Variants in JCAD observed in about 807,000 individuals in gnomAD.
The protein encoded by JCAD is junctional cadherin 5 associated, also known as junctional cadherin 5-associated protein.
In JCAD, 40 loss-of-function variants were observed where a neutral mutation model predicts 98.0. The observed-to-expected ratio is 0.41, with a 90% CI of 0.32 to 0.53. The LOEUF (loss-of-function observed/expected upper bound fraction) is 0.53. Ranked by LOEUF, JCAD falls within the 20% of genes least tolerant of loss-of-function variation. The pLI, the probability that JCAD is intolerant of heterozygous loss-of-function variation, is 0.31. For missense variants in JCAD, 1,705 were observed against 1,738.1 expected, an observed-to-expected ratio of 0.98 and a Z score of 0.34; for synonymous variants, 691 against 682.3, an observed-to-expected ratio of 1.01 and a Z score of -0.20.
chr10:30,078,223 A>G (rs1251374024), intron 1 of JCAD, among the ~76,000 whole-genome samples: 5 of 152,192 alleles, frequency 3.3e-5, no homozygotes, highest in African/African-American at 1.2e-4. Context: ...TCTCTTGTTC[A>G]ACCAAACAAT....
At chr10:30,032,049 C>T (rs1015853220) in intron 2 of JCAD, among the ~76,000 whole-genome samples, 5 of 152,180 alleles carry the variant, frequency 3.3e-5, no homozygotes, top group Admixed American at 6.5e-5. Flanking sequence ...CCACCGCGCC[C>T]GGCTCCATCT....
chr10:30,091,243 T>C (rs530477826), intron 1 of JCAD, among the ~76,000 whole-genome samples: 12 of 152,304 alleles, frequency 7.9e-5, no homozygotes, highest in Admixed American at 7.2e-4. Flanking sequence ...AATCTCTTCC[T>C]AAATTTGTCT....
At chr10:30,068,300 A>G (rs1246329736) in intron 2 of JCAD, among the ~76,000 whole-genome samples, 1 of 149,064 alleles carries the variant, frequency 6.7e-6, no homozygotes, top group East Asian at 2.0e-4. Flanking sequence ...CTGAGGCAGG[A>G]GAATCTCTTG....
rs80339309 is a variant in JCAD, at chr10:30,039,010, C to T, written c.281+8522G>A. Among the ~76,000 whole-genome samples, 302 of 152,286 alleles carry T rather than the reference C, an allele frequency of 2.0e-3. 5 individuals are homozygous for T. In the South Asian group the frequency reaches 0.031, roughly 16 times the overall value. On this transcript the variant is annotated intron_variant, in intron 2 of 3. Transcript: ENST00000375377. ...AAAGCTGGGTCATAAACCCCTAACC[C>T]CCGACTCACGCCAGCTATTTAAATG...
At chr10:30,022,642 C>T (rs993840685) in intron 3 of JCAD, among the ~76,000 whole-genome samples, 17 of 152,174 alleles carry the variant, frequency 1.1e-4, no homozygotes, top group African/African-American at 4.1e-4. Context: ...CAGGGGGCCA[C>T]CTGAGCAAAA....
chr10:30,101,381 C>G lies in JCAD; in HGVS notation n.128+13986G>C, dbSNP rs560510923. Among the ~76,000 whole-genome samples the G allele has an allele frequency of 2.6e-5, 4 of 152,234 alleles. No individual in the cohort carries two copies. The South Asian group carries it at 8.3e-4, about 32-fold the overall frequency. On this transcript the variant is annotated intron_variant and non_coding_transcript_variant, in intron 1 of 2. Coordinates refer to the JCAD transcript ENST00000465712. ...CTGGGATCACACCACTGCACTCCAG[C>G]CTGGGTGACAGAGCGAGACTCAGTC...
At chr10:30,086,633 A>G (rs534378277) in intron 1 of JCAD, among the ~76,000 whole-genome samples, 2 of 152,318 alleles carry the variant, frequency 1.3e-5, no homozygotes, top group South Asian at 4.1e-4. Context: ...CTTTGTTCCA[A>G]CAAACAAAAG....
At position 30,027,151 on chromosome 10, in the gene JCAD, G is replaced by C; in HGVS notation, c.2997C>G (p.Pro999=). The C allele has an allele frequency of 6.2e-7, 1 of 1,614,058 alleles. No homozygotes were observed. The highest frequency in any genetic ancestry group is 8.5e-7 in the Non-Finnish European group (1 of 1,179,972). Residue 999 remains proline, a synonymous_variant, in exon 3 of 4, where the codon CCC becomes CCG. Transcript: ENST00000375377. ...CACTGGTGATTTTCGGACTTTCCTG[G>C]GGCTCCCTAGGTTCAGCTGGATAGG... ...PASYPAEPRE[P]QESPKITSAF... is the part of the protein sequence containing the mutation.
intron 1 of JCAD, among the ~76,000 whole-genome samples, chr10:30,106,734 C>G (rs1019049695): frequency 1.3e-5 from 2 of 152,202 alleles, no homozygotes; most frequent in Admixed American, 6.5e-5. Context: ...CTCCTGACCT[C>G]AGGTGATCTG....
intron 1 of JCAD, among the ~76,000 whole-genome samples, chr10:30,113,923 T>A (rs1838749914): frequency 6.6e-6 from 1 of 152,172 alleles, no homozygotes; most frequent in Non-Finnish European, 1.5e-5. Flanking sequence ...TTGCCCAGGA[T>A]GGTCTTGATC....
intron 1 of JCAD, among the ~76,000 whole-genome samples, chr10:30,105,350 CT>C (rs1838554474): frequency 6.7e-6 from 1 of 149,608 alleles, no homozygotes; most frequent in African/African-American, 2.5e-5. Context: ...GTTTTCTTTT[CT>C]TTCTTTCTTT....
Position 30,026,863 on chromosome 10 carries a change from C to T in JCAD, c.3285G>A (p.Ala1095=), listed in dbSNP as rs759298863. The change falls in exon 3 of 4, where the codon GCG becomes GCA. Residue 1095 remains alanine, a synonymous_variant. Transcript: ENST00000375377. ...GGATGCCCGGCAGGAGGGACTCCAC[C>T]GCCACCTCAATGCCCAGGATCCTTG... The part of the protein sequence containing the change: ...RAARILGIEV[A]VESLLPGIRR... 25 of 1,613,848 alleles carry T rather than the reference C, an allele frequency of 1.5e-5. No homozygotes were observed. Among genetic ancestry groups the T allele is most frequent in the African/African-American group, 2.7e-5 (2 of 74,932 alleles).
At position 30,029,434 on chromosome 10, in the gene JCAD, G is replaced by C; in HGVS notation, c.714C>G (p.Pro238=). 1.2e-6 allele frequency: 2 copies of C among 1,614,092 alleles called. No homozygotes were observed. Among genetic ancestry groups the C allele is most frequent in the Non-Finnish European group, 1.7e-6 (2 of 1,180,018 alleles). Reference sequence around the variant, plus strand: ...GAATTTCCGTGCAACTCAGGCTCTCGGGGGAAAGAACTCTAGGCAGTGAGC... The same window carrying C: ...GAATTTCCGTGCAACTCAGGCTCTCCGGGGAAAGAACTCTAGGCAGTGAGC... The part of the protein sequence containing the change: ...KSRSLPRVLS[P]ESLSCTEIPI... The change falls in exon 3 of 4, where the codon CCC becomes CCG. Residue 238 remains proline (P), a synonymous_variant. Transcript: ENST00000375377.
At chr10:30,053,186 G>C (rs1015880266) in intron 1 of JCAD, among the ~76,000 whole-genome samples, 2 of 151,974 alleles carry the variant, frequency 1.3e-5, no homozygotes, top group African/African-American at 4.8e-5. Context: ...GAGCTATAAG[G>C]GTTCTCCTGT....
Position 30,027,051 on chromosome 10 carries a change from G to A in JCAD, c.3097C>T (p.Pro1033Ser). Residue 1033 changes from proline to serine, a missense_variant, in exon 3 of 4, where the codon CCA becomes TCA. Pro to Ser is a moderately conservative substitution (Grantham distance 74, BLOSUM62 -1). Coordinates refer to ENST00000375377, the MANE Select transcript of JCAD (RefSeq NM_020848.4). ...CGGTTCTTGTTAGACAGGGACAGTG[G>A]GAGCCCTGCCCCCCTCTCTCCACCA... ...DSGGERGAGL[P>S]LSLSNKNRGL... 1 of 1,614,190 alleles carries A rather than the reference G, an allele frequency of 6.2e-7. No individual in the cohort carries two copies. Among genetic ancestry groups the A allele is most frequent in the Non-Finnish European group, 8.5e-7 (1 of 1,180,032 alleles).
At chr10:30,057,192 CG>C (rs1837588746) in intron 1 of JCAD, among the ~76,000 whole-genome samples, 1 of 152,150 alleles carries the variant, frequency 6.6e-6, no homozygotes, top group African/African-American at 2.4e-5. Flanking sequence ...CATGGAGTTT[CG>C]CCAAGCTCAT....
intron 3 of JCAD, among the ~76,000 whole-genome samples, chr10:30,018,410 G>T (rs979703173): frequency 6.6e-6 from 1 of 151,544 alleles, no homozygotes. Context: ...CTGACTGCTT[G>T]GCTGGCAGAG....
intron 2 of JCAD, among the ~76,000 whole-genome samples, chr10:30,037,663 T>C (rs1050446891): frequency 7.9e-5 from 12 of 151,792 alleles, no homozygotes; most frequent in African/African-American, 2.9e-4. Context: ...AATACACAAA[T>C]AATGGGTCTG....
In JCAD at chr10:30,017,756, T is replaced by A. The variant is rs1446083201; in HGVS notation, c.*127A>T. ...TTCCTAGTGGCAGTGGTAAAGAATG[T>A]TATCAGGATGCTAAAAACTCAGCAG... On this transcript the variant is annotated 3_prime_UTR_variant, in exon 4 of 4. Coordinates refer to ENST00000375377, the MANE Select transcript of JCAD (RefSeq NM_020848.4). 12 of 817,598 alleles carry A rather than the reference T, an allele frequency of 1.5e-5. No homozygotes were observed. Among genetic ancestry groups the A allele is most frequent in the Admixed American group, 2.1e-5 (1 of 47,482 alleles). The allele number at this position is 817,598 out of a possible 1,614,324, so 50.6% of individuals were successfully genotyped here.
Sources: allele counts gnomAD v4.1 joint callset (sites outside exome capture counted in the v4.1 genomes callset), GRCh38; gene constraint gnomAD v4.1.1; transcripts MANE v1.5; gene names NCBI Gene and HGNC (gene_info 2026-07-23, HGNC 2026-07-21).